The following ASIC2 variants were observed in gnomAD, a reference collection of about 807,000 sequenced individuals.
ASIC2 encodes the protein acid-sensing ion channel 2.
A neutral mutation model predicts 57.3 loss-of-function variants in ASIC2; 25 were observed. The ratio of observed to expected loss-of-function variants is 0.44; its 90% CI spans 0.32 to 0.61. The LOEUF (loss-of-function observed/expected upper bound fraction) is 0.61, where lower values mean the gene tolerates loss of function less well. ASIC2 is among the 20% of genes least tolerant of loss of function. The pLI, the probability that ASIC2 is intolerant of heterozygous loss-of-function variation, is 0.06. For synonymous variants in ASIC2, 319 were observed against 307.5 expected, an observed-to-expected ratio of 1.04 and a Z score of -0.39; for missense variants, 641 against 738.1, an observed-to-expected ratio of 0.87 and a Z score of 1.52.
At chr17:33,586,899 A>C (rs1271864133) in intron 1 of ASIC2, among the ~76,000 whole-genome samples, 1 of 152,214 alleles carries the variant, frequency 6.6e-6, no homozygotes, top group African/African-American at 2.4e-5. Context: ...TAAGCTTCAG[A>C]GGGCAGAGAC....
chr17:33,364,821 G>A (rs147929272), intron 1 of ASIC2, among the ~76,000 whole-genome samples: 138 of 152,292 alleles, frequency 9.1e-4, no homozygotes, highest in Middle Eastern at 3.4e-3. Context: ...GTTTCCAGGA[G>A]CTAACCAATA....
intron 1 of ASIC2, among the ~76,000 whole-genome samples, chr17:33,588,638 A>G (rs990101441): frequency 1.3e-5 from 2 of 152,234 alleles, no homozygotes; most frequent in African/African-American, 4.8e-5. Context: ...AAGTAATATA[A>G]CACCGTGAGA....
chr17:33,192,384 AAAAACAAAACAAAACAAAACAAAAC>A (rs149064811), intron 1 of ASIC2, among the ~76,000 whole-genome samples: 3,145 of 142,972 alleles, frequency 0.022, 78 homozygotes, highest in African/African-American at 0.051. Flanking sequence ...ACTCAGTCTC[AAAAACAAAACAAAACAAAACAAAAC>A]AAAACAAAAC....
intron 3 of ASIC2, among the ~76,000 whole-genome samples, chr17:33,078,971 C>A (rs1042742045): frequency 6.7e-6 from 1 of 150,148 alleles, no homozygotes; most frequent in African/African-American, 2.5e-5. Flanking sequence ...TGCTGGAGGG[C>A]AGTGAGATAT....
chr17:33,138,408 A>G lies in ASIC2; in HGVS notation c.709-26341T>C, dbSNP rs1250275552. Among the ~76,000 whole-genome samples the G allele has an allele frequency of 2.0e-5, 3 of 152,166 alleles. No homozygotes were observed. In the East Asian group the frequency reaches 5.8e-4, roughly 29 times the overall value. On this transcript the variant is annotated intron_variant, in intron 1 of 9. Transcript: ENST00000225823. ...GTACAAGGAAAATTGAGGACTAGAG[A>G]GGTGAAAGGACTTCCCCAGAGATTA...
chr17:33,046,873 G>A (rs1459458296), intron 3 of ASIC2, among the ~76,000 whole-genome samples: 1 of 152,232 alleles, frequency 6.6e-6, no homozygotes, highest in Non-Finnish European at 1.5e-5. Flanking sequence ...GGGCAGAGTC[G>A]TCAGAATGAG....
chr17:33,244,838 G>A (rs1042461607), intron 1 of ASIC2, among the ~76,000 whole-genome samples: 12 of 152,208 alleles, frequency 7.9e-5, no homozygotes, highest in African/African-American at 1.9e-4. Context: ...AACTCCCCAC[G>A]CACCTGTTAA....
intron 1 of ASIC2, among the ~76,000 whole-genome samples, chr17:34,142,143 CTG>C (rs1912288083): frequency 6.6e-6 from 1 of 152,144 alleles, no homozygotes; most frequent in African/African-American, 2.4e-5. Context: ...TTCTTGCACT[CTG>C]TGAAAATACA....
intron 1 of ASIC2, among the ~76,000 whole-genome samples, chr17:33,554,038 G>C (rs893852479): frequency 1.2e-4 from 19 of 152,184 alleles, no homozygotes; most frequent in Admixed American, 9.8e-4. Flanking sequence ...TCAATAAATT[G>C]GGTGGCAGTG....
At chr17:33,847,131 C>T (rs1053299702) in intron 1 of ASIC2, among the ~76,000 whole-genome samples, 6 of 151,408 alleles carry the variant, frequency 4.0e-5, no homozygotes, top group African/African-American at 1.5e-4. Flanking sequence ...TGCATCTTCT[C>T]TGGAAAACAG....
intron 1 of ASIC2, among the ~76,000 whole-genome samples, chr17:33,249,881 C>T (rs753734247): frequency 6.6e-6 from 1 of 152,078 alleles, no homozygotes; most frequent in Admixed American, 6.6e-5. Context: ...GACTTACTGG[C>T]CTGTTAGCTA....
chr17:33,276,689 C>T (rs139808299), intron 1 of ASIC2, among the ~76,000 whole-genome samples: 17 of 152,310 alleles, frequency 1.1e-4, no homozygotes, highest in African/African-American at 3.8e-4. Flanking sequence ...CTTGTCATTT[C>T]AGTATCATAT....
intron 1 of ASIC2, among the ~76,000 whole-genome samples, chr17:33,327,310 A>G (rs1017515227): frequency 6.6e-6 from 1 of 152,174 alleles, no homozygotes; most frequent in African/African-American, 2.4e-5. Context: ...ATTGATTCTC[A>G]AAGTGCTTAG....
intron 1 of ASIC2, among the ~76,000 whole-genome samples, chr17:33,697,969 G>A (rs1908581057): frequency 6.6e-6 from 1 of 152,170 alleles, no homozygotes; most frequent in Non-Finnish European, 1.5e-5. Context: ...CACATAGTAG[G>A]TGTTCAATTA....
At chr17:33,773,117 T>C (rs980558371) in intron 1 of ASIC2, among the ~76,000 whole-genome samples, 2 of 152,200 alleles carry the variant, frequency 1.3e-5, no homozygotes, top group Non-Finnish European at 2.9e-5. Context: ...TACCAGATGA[T>C]GCTTTTTGTT....
chr17:33,183,102 C>T (rs940651816), intron 1 of ASIC2, among the ~76,000 whole-genome samples: 1 of 152,182 alleles, frequency 6.6e-6, no homozygotes, highest in Non-Finnish European at 1.5e-5. Context: ...CAAGGCCACA[C>T]AGCCACTAAG....
intron 1 of ASIC2, among the ~76,000 whole-genome samples, chr17:33,807,265 C>G (rs12600651): frequency 6.6e-6 from 1 of 152,106 alleles, no homozygotes; most frequent in Non-Finnish European, 1.5e-5. Context: ...GGGTACTGAG[C>G]AGGTGATAGG....
At chr17:33,933,647 C>T (rs1915994026) in intron 1 of ASIC2, among the ~76,000 whole-genome samples, 1 of 152,164 alleles carries the variant, frequency 6.6e-6, no homozygotes, top group Admixed American at 6.5e-5. Context: ...TGAGGACCAA[C>T]TTAGCAGGGA....
chr17:33,351,783 C>G (rs1394134311), intron 1 of ASIC2, among the ~76,000 whole-genome samples: 1 of 152,176 alleles, frequency 6.6e-6, no homozygotes, highest in Non-Finnish European at 1.5e-5. Flanking sequence ...CATTTTAGAG[C>G]TTTTCTGAAG....
Sources: gnomAD v4.1 joint callset for allele counts (sites outside exome capture counted in the v4.1 genomes callset) on GRCh38, gnomAD v4.1.1 for gene constraint, MANE v1.5 for transcripts, NCBI Gene and HGNC (gene_info 2026-07-23, HGNC 2026-07-21) for gene names.